The following SHTN1 variants were observed in gnomAD, a reference collection of about 807,000 sequenced individuals.
SHTN1 encodes shootin 1.
In SHTN1, 42 loss-of-function variants were observed where a neutral mutation model predicts 83.1. The ratio of observed to expected loss-of-function variants is 0.51; its 90% CI spans 0.39 to 0.65. The LOEUF is 0.65. Ranked by LOEUF, SHTN1 falls within the 30% of genes least tolerant of loss-of-function variation. The probability of loss-of-function intolerance (pLI) is 0.00; values close to 1 mark genes in which losing one functional copy is unlikely to be tolerated. For synonymous variants in SHTN1, 224 were observed against 247.7 expected (o/e 0.90, Z 0.90); for missense variants, 622 against 737.8 (o/e 0.84, Z 1.82).
At chr10:117,088,844 G>A (rs1321009051) in intron 1 of SHTN1, among the ~76,000 whole-genome samples, 1 of 152,122 alleles carries the variant, frequency 6.6e-6, no homozygotes, top group Non-Finnish European at 1.5e-5. Flanking sequence ...CTCCTTTTAG[G>A]CACATTTCCT....
At chr10:117,113,787 T>G (rs1187814262) in intron 1 of SHTN1, among the ~76,000 whole-genome samples, 1 of 152,136 alleles carries the variant, frequency 6.6e-6, no homozygotes, top group East Asian at 1.9e-4. Context: ...GGATCATGCC[T>G]GTAATCCCAG....
intron 12 of SHTN1, among the ~76,000 whole-genome samples, chr10:116,919,497 G>A (rs1848482367): frequency 6.6e-6 from 1 of 151,958 alleles, no homozygotes; most frequent in African/African-American, 2.4e-5. Flanking sequence ...AACTGTATAG[G>A]TCCTAAAACC....
chr10:116,949,819 A>T (rs993141362), intron 6 of SHTN1, among the ~76,000 whole-genome samples: 10 of 152,196 alleles, frequency 6.6e-5, no homozygotes, highest in Admixed American at 2.6e-4. Flanking sequence ...TTTCTGAAGT[A>T]ACTTTTGATG....
chr10:117,025,243 G>C (rs954715721), intron 2 of SHTN1, among the ~76,000 whole-genome samples: 1 of 152,218 alleles, frequency 6.6e-6, no homozygotes, highest in African/African-American at 2.4e-5. Flanking sequence ...GGTGCAGAGA[G>C]TGTTTCTGTG....
At chr10:117,112,881 G>C (rs961465011) in intron 1 of SHTN1, among the ~76,000 whole-genome samples, 4 of 152,158 alleles carry the variant, frequency 2.6e-5, no homozygotes, top group African/African-American at 9.7e-5. Flanking sequence ...TTATCAACCA[G>C]TTTTGATCGT....
intron 1 of SHTN1, among the ~76,000 whole-genome samples, chr10:117,061,162 T>TC (rs1191332498): frequency 1.3e-5 from 2 of 150,836 alleles, no homozygotes; most frequent in African/African-American, 4.9e-5. Context: ...TTTTTTTTTT[T>TC]CTGAGGTGGA....
At position 116,978,793 on chromosome 10, in the gene SHTN1, T is replaced by C. The variant is rs182979319; in HGVS notation, c.111+463A>G. ...ATGCTTCTCAACTTCCAGTGTATTA[T>C]TCATATAAATAGAAGAAGCAGACAT... On this transcript the variant is annotated intron_variant, in intron 2 of 16. Transcript: ENST00000355371. Among the ~76,000 whole-genome samples, 3 of 152,304 alleles carry C rather than the reference T, an allele frequency of 2.0e-5. No homozygotes were observed. The East Asian group carries it at 5.8e-4, about 29-fold the overall frequency.
chr10:116,897,160 G>A (rs1829138877), intron 16 of SHTN1, among the ~76,000 whole-genome samples: 1 of 152,078 alleles, frequency 6.6e-6, no homozygotes, highest in Admixed American at 6.6e-5. Context: ...ATGCATTTGG[G>A]GCAACAGTGA....
At chr10:117,024,071 T>C (rs1045782628) in intron 2 of SHTN1, among the ~76,000 whole-genome samples, 1 of 55,316 alleles carries the variant, frequency 1.8e-5, no homozygotes, top group Non-Finnish European at 6.6e-5. Flanking sequence ...GGGGCCCTAA[T>C]GAGGGCTGGT....
At chr10:116,990,283 C>CTTTTTTTTTTTTTTTTTTTTTTTTTT (rs1462733730) in intron 1 of SHTN1, among the ~76,000 whole-genome samples, 1 of 56,328 alleles carries the variant, frequency 1.8e-5, no homozygotes, top group African/African-American at 6.7e-5. Flanking sequence ...TTTCTTTTTT[C>CTTTTTTTTTTTTTTTTTTTTTTTTTT]TTTCTTTTTT....
intron 2 of SHTN1, among the ~76,000 whole-genome samples, chr10:117,018,567 CA>C (rs374790857): frequency 0.57 from 77,815 of 135,716 alleles, 25,366 homozygotes; most frequent in Middle Eastern, 0.74. Flanking sequence ...CTGCTCTCAC[CA>C]TTTTTTTTTT....
At chr10:117,047,495 A>T (rs1217160679) in intron 2 of SHTN1, among the ~76,000 whole-genome samples, 1 of 152,260 alleles carries the variant, frequency 6.6e-6, no homozygotes, top group African/African-American at 2.4e-5. Flanking sequence ...CCTAACTCTC[A>T]AATAAACCAG....
intron 5 of SHTN1, among the ~76,000 whole-genome samples, chr10:116,953,627 T>TTTG (rs1241286126): frequency 2.9e-5 from 4 of 137,868 alleles, no homozygotes; most frequent in Non-Finnish European, 6.3e-5. Context: ...TGTTTTGTTT[T>TTTG]TTTTTTTTTT....
chr10:116,981,407 C>G (rs535782665), intron 1 of SHTN1, among the ~76,000 whole-genome samples: 1 of 152,272 alleles, frequency 6.6e-6, no homozygotes, highest in African/African-American at 2.4e-5. Context: ...TCTTCATCAG[C>G]CCCACCACAC....
chr10:117,085,417 T>C (rs538578498), intron 1 of SHTN1, among the ~76,000 whole-genome samples: 1 of 152,320 alleles, frequency 6.6e-6, no homozygotes, highest in South Asian at 2.1e-4. Flanking sequence ...TTTGGAAGTG[T>C]GTTGTTTAAT....
chr10:117,054,023 A>G (rs1228810583), intron 1 of SHTN1, among the ~76,000 whole-genome samples: 2 of 152,216 alleles, frequency 1.3e-5, no homozygotes, highest in East Asian at 1.9e-4. Context: ...TTTCATTCAC[A>G]TAAAATATCG....
At chr10:117,009,014 C>T (rs541335080), upstream of SHTN1, among the ~76,000 whole-genome samples, 1 of 152,216 alleles carries the variant, frequency 6.6e-6, no homozygotes, top group East Asian at 1.9e-4. Context: ...ACTCAGGAGG[C>T]TGAGGCAGGA....
At chr10:116,946,498 T>C (rs938815458) in intron 7 of SHTN1, among the ~76,000 whole-genome samples, 10 of 142,094 alleles carry the variant, frequency 7.0e-5, no homozygotes, top group South Asian at 2.2e-4. Context: ...TATATATAAA[T>C]ATATAAAATG....
At chr10:117,085,353 A>T (rs1391154518) in intron 1 of SHTN1, among the ~76,000 whole-genome samples, 1 of 152,238 alleles carries the variant, frequency 6.6e-6, no homozygotes, top group East Asian at 1.9e-4. Context: ...ATGTTTACTT[A>T]GTTGAAAATA....
Sources: gnomAD v4.1 joint callset for allele counts (sites outside exome capture counted in the v4.1 genomes callset) on GRCh38, gnomAD v4.1.1 for gene constraint, MANE v1.5 for transcripts, NCBI Gene and HGNC (gene_info 2026-07-23, HGNC 2026-07-21) for gene names.